Variants in MMP26 observed in about 807,000 individuals in gnomAD.
The protein encoded by MMP26 is matrix metalloproteinase-26.
MMP26 carries 33 observed loss-of-function variants against 31.0 expected under a neutral mutation model. That is an observed-to-expected ratio of 1.06 (90% CI 0.81 to 1.42). The LOEUF (loss-of-function observed/expected upper bound fraction) is 1.42. MMP26 is among the 40% of genes most tolerant of loss of function. The pLI is 0.00. For missense variants in MMP26, 347 were observed against 316.1 expected (o/e 1.10, Z -0.74); for synonymous variants, 122 against 114.9 (o/e 1.06, Z -0.40).
chr11:4,827,474 G>A (rs10836729), intron 2 of MMP26, among the ~76,000 whole-genome samples: 95,087 of 151,798 alleles, frequency 0.63, 30,649 homozygotes, highest in Middle Eastern at 0.73. Flanking sequence ...CTTTTAGAAA[G>A]TATGGGGATA....
chr11:4,801,121 C>G (rs1486118499), intron 2 of MMP26, among the ~76,000 whole-genome samples: 1 of 152,178 alleles, frequency 6.6e-6, no homozygotes, highest in Non-Finnish European at 1.5e-5. Context: ...AATTATTTAA[C>G]CAGTCTCTAA....
At chr11:4,910,706 A>G (rs1034770187) in intron 2 of MMP26, among the ~76,000 whole-genome samples, 1 of 152,178 alleles carries the variant, frequency 6.6e-6, no homozygotes, top group East Asian at 1.9e-4. Context: ...TGTAAACTCC[A>G]TAGGATACAT....
chr11:4,816,625 T>A lies in MMP26; in HGVS notation c.-145+49284T>A, dbSNP rs540048975. Among the ~76,000 whole-genome samples the A allele has an allele frequency of 6.2e-5, 9 of 145,450 alleles. No individual in the cohort carries two copies. The East Asian group carries it at 1.5e-3, about 25-fold the overall frequency. On this transcript the variant is annotated intron_variant, in intron 2 of 7. Coordinates refer to ENST00000380390, the MANE Select transcript of MMP26 (RefSeq NM_021801.5). Reference sequence around the variant, plus strand: ...AACTATGGTCCAAAACAAAAAAAAATTGATATGATTATGGGCAACTGAATT... The same window carrying A: ...AACTATGGTCCAAAACAAAAAAAAAATGATATGATTATGGGCAACTGAATT...
chr11:4,849,014 G>A (rs748756937), intron 2 of MMP26: 1 of 1,614,094 alleles, frequency 6.2e-7, no homozygotes, highest in Admixed American at 1.7e-5. Flanking sequence ...AGTGCATTGG[G>A]CGGTGCAGGG....
intron 1 of MMP26, among the ~76,000 whole-genome samples, chr11:4,758,165 T>C (rs368817072): frequency 2.0e-5 from 3 of 152,070 alleles, no homozygotes; most frequent in Non-Finnish European, 2.9e-5. Flanking sequence ...AAAAAGCTAT[T>C]CAGCAAAAAG....
intron 2 of MMP26, among the ~76,000 whole-genome samples, chr11:4,800,070 G>C (rs761167451): frequency 2.0e-5 from 3 of 152,140 alleles, no homozygotes; most frequent in Non-Finnish European, 2.9e-5. Context: ...TACTATTCTG[G>C]GATCTGGAGG....
intron 2 of MMP26, among the ~76,000 whole-genome samples, chr11:4,981,282 A>G (rs1846809786): frequency 6.6e-6 from 1 of 152,094 alleles, no homozygotes; most frequent in Non-Finnish European, 1.5e-5. Flanking sequence ...TGATAGAGAT[A>G]CTCATTCTGA....
intron 2 of MMP26, among the ~76,000 whole-genome samples, chr11:4,807,351 A>C (rs10466462): frequency 0.29 from 44,422 of 152,086 alleles, 6,894 homozygotes; most frequent in Middle Eastern, 0.42. Context: ...ATGATAGCAA[A>C]GACTTGGAAC....
chr11:4,971,590 G>T (rs961189415), intron 2 of MMP26, among the ~76,000 whole-genome samples: 2 of 152,154 alleles, frequency 1.3e-5, no homozygotes, highest in Non-Finnish European at 2.9e-5. Flanking sequence ...TGGGGACATA[G>T]GTTACTAAGT....
rs146729867 is a variant in MMP26, at chr11:4,915,941, G to A, written c.-144-72127G>A. ...GTGAGTTGGAGATTCTAAATGAGCC[G>A]CTCCACCCTTTTTGCTCTTTTCTGA... On this transcript the variant is annotated intron_variant, in intron 2 of 7. Transcript: ENST00000380390. Among the ~76,000 whole-genome samples the A allele has an allele frequency of 7.9e-5, 12 of 152,204 alleles. No individual in the cohort carries two copies. In the East Asian group the frequency reaches 1.4e-3, roughly 17 times the overall value.
chr11:4,921,224 G>C (rs1334230035), intron 2 of MMP26, among the ~76,000 whole-genome samples: 1 of 152,156 alleles, frequency 6.6e-6, no homozygotes, highest in African/African-American at 2.4e-5. Flanking sequence ...CTTTTCCCTA[G>C]GCTCACAATT....
At chr11:4,821,904 C>A (rs1215384142) in intron 2 of MMP26, 1 of 1,613,890 alleles carries the variant, frequency 6.2e-7, no homozygotes, top group Non-Finnish European at 8.5e-7. Context: ...TGTTGCCAGT[C>A]ATGCTCTTTG....
At chr11:4,890,731 T>G (rs1423214791) in intron 2 of MMP26, 1 of 151,868 alleles carries the variant, frequency 6.6e-6, no homozygotes, top group East Asian at 1.9e-4. Flanking sequence ...TTTCAAGAAA[T>G]AAAAGAGAGA....
intron 1 of MMP26, among the ~76,000 whole-genome samples, chr11:4,738,807 G>GA (rs1206298756): frequency 2.2e-4 from 33 of 149,648 alleles, no homozygotes; most frequent in East Asian, 9.8e-4. Context: ...CCTGCCTTAA[G>GA]AAAAAAAAAC....
chr11:4,981,491 A>AT (rs1300427718), intron 2 of MMP26, among the ~76,000 whole-genome samples: 1 of 152,174 alleles, frequency 6.6e-6, no homozygotes, highest in Non-Finnish European at 1.5e-5. Context: ...AAAACACAAC[A>AT]TAAAAGATTA....
In MMP26 at chr11:4,849,226, T is replaced by G. The variant is rs141787213; in HGVS notation, c.-145+81885T>G. On this transcript the variant is annotated intron_variant, in intron 2 of 7. Transcript: ENST00000380390. ...GTTGACATAGTTCAGGATTCCACGT[T>G]GAACTCTGGAACCTGAAAAATGATT... 8.9e-6 allele frequency: 14 copies of G among 1,579,006 alleles called. No homozygotes were observed. The African/African-American group carries it at 1.9e-4, about 21-fold the overall frequency.
intron 2 of MMP26, among the ~76,000 whole-genome samples, chr11:4,791,715 T>C (rs1247894425): frequency 6.6e-6 from 1 of 152,158 alleles, no homozygotes; most frequent in Non-Finnish European, 1.5e-5. Flanking sequence ...AAGTGCAAGA[T>C]GCAAAATAAT....
At chr11:4,789,008 T>A (rs900374996) in intron 2 of MMP26, among the ~76,000 whole-genome samples, 2 of 152,136 alleles carry the variant, frequency 1.3e-5, no homozygotes, top group African/African-American at 4.8e-5. Context: ...AGCCTGATTC[T>A]CTCTTTGTGA....
At position 4,908,209 on chromosome 11, in the gene MMP26, G is replaced by T. The variant is rs748344838; in HGVS notation, c.-144-79859G>T. On this transcript the variant is annotated intron_variant, in intron 2 of 7. Transcript: ENST00000380390. Reference sequence around the variant, plus strand: ...TGATCCTTATTGCAGATATGTTCTTGTTGGTGCCGCCCCTTATGAACCCCA... The same window carrying T: ...TGATCCTTATTGCAGATATGTTCTTTTTGGTGCCGCCCCTTATGAACCCCA... 3.1e-6 allele frequency: 5 copies of T among 1,614,126 alleles called. No individual in the cohort carries two copies. Among genetic ancestry groups the T allele is most frequent in the Non-Finnish European group, 4.2e-6 (5 of 1,180,016 alleles).
Sources: allele counts gnomAD v4.1 joint callset (sites outside exome capture counted in the v4.1 genomes callset), GRCh38; gene constraint gnomAD v4.1.1; transcripts MANE v1.5; gene names NCBI Gene and HGNC (gene_info 2026-07-23, HGNC 2026-07-21).